Variants in QRICH1 observed in about 807,000 individuals in gnomAD.
QRICH1 encodes transcriptional regulator QRICH1.
Under a neutral mutation model 87.1 loss-of-function variants are expected in QRICH1, and 16 were observed. The observed-to-expected ratio is 0.18, with a 90% CI of 0.12 to 0.28. The LOEUF (loss-of-function observed/expected upper bound fraction) is 0.28. Among genes scored for constraint, QRICH1 ranks in the 10% least tolerant of loss-of-function variants. The pLI, the probability that QRICH1 is intolerant of heterozygous loss-of-function variation, is 1.00. For synonymous variants in QRICH1, 367 were observed against 368.4 expected, an observed-to-expected ratio of 1.00 and a Z score of 0.05; for missense variants, 647 against 951.7, an observed-to-expected ratio of 0.68 and a Z score of 4.21.
chr3:49,078,294 CTGGTT>C (rs1241764040), intron 1 of QRICH1, among the ~76,000 whole-genome samples: 1 of 151,490 alleles, frequency 6.6e-6, no homozygotes, highest in African/African-American at 2.4e-5. Flanking sequence ...AGACTATGTC[CTGGTT>C]CTCTCCGAAT....
intron 1 of QRICH1, among the ~76,000 whole-genome samples, chr3:49,087,818 C>CAAAAAAAAAAAAA (rs58022360): frequency 0.062 from 2,932 of 47,540 alleles, 805 homozygotes; most frequent in East Asian, 0.16. Flanking sequence ...AGGTTCATCT[C>CAAAAAAAAAAAAA]AAAAAAAAAA....
intron 2 of QRICH1, among the ~76,000 whole-genome samples, chr3:49,075,822 G>C (rs1356414844): frequency 1.3e-5 from 2 of 152,002 alleles, no homozygotes; most frequent in East Asian, 3.9e-4. Flanking sequence ...CACACCTGTA[G>C]TCCCAGCTAC....
At chr3:49,078,533 T>C (rs1024326347) in intron 1 of QRICH1, among the ~76,000 whole-genome samples, 3 of 149,904 alleles carry the variant, frequency 2.0e-5, no homozygotes, top group African/African-American at 7.4e-5. Context: ...TAGCTGGGAC[T>C]ACAGGCGCCC....
intron 1 of QRICH1, among the ~76,000 whole-genome samples, chr3:49,086,526 G>T (rs1453626367): frequency 6.6e-6 from 1 of 152,148 alleles, no homozygotes; most frequent in Non-Finnish European, 1.5e-5. Flanking sequence ...GGGATTACAG[G>T]TGTGAGCCAC....
At chr3:49,033,745 T>G (rs959267543) in intron 6 of QRICH1, 1 of 152,142 alleles carries the variant, frequency 6.6e-6, no homozygotes, top group Non-Finnish European at 1.5e-5. Context: ...TCCCAGCACT[T>G]TGGAAGGCCG....
intron 1 of QRICH1, among the ~76,000 whole-genome samples, chr3:49,084,927 G>C (rs1011845159): frequency 6.6e-6 from 1 of 152,076 alleles, no homozygotes; most frequent in Non-Finnish European, 1.5e-5. Context: ...CAGATCACCA[G>C]ATCAGGAGAT....
intron 2 of QRICH1, among the ~76,000 whole-genome samples, chr3:49,071,710 G>A (rs190365003): frequency 6.6e-6 from 1 of 152,186 alleles, no homozygotes; most frequent in East Asian, 1.9e-4. Context: ...CTTTTTTTGA[G>A]ACACCTTTCC....
intron 2 of QRICH1, among the ~76,000 whole-genome samples, chr3:49,063,295 G>GC (rs1297581304): frequency 6.6e-6 from 1 of 152,184 alleles, no homozygotes. Context: ...AGCAGCAGCA[G>GC]CATCCAGGCA....
intron 1 of QRICH1, among the ~76,000 whole-genome samples, chr3:49,078,261 A>G (rs1201898836): frequency 6.6e-6 from 1 of 152,016 alleles, no homozygotes; most frequent in East Asian, 1.9e-4. Flanking sequence ...TCTTCTACCT[A>G]GGCTCTAAGT....
rs766224039 is a variant in QRICH1 at position 49,093,919 on chromosome 3, C to T, written c.-29G>A. 1 of 399,748 alleles carries T rather than the reference C, an allele frequency of 2.5e-6. No individual in the cohort carries two copies. Among genetic ancestry groups the T allele is most frequent in the Non-Finnish European group, 4.4e-6 (1 of 228,394 alleles). The allele number at this position is 399,748 out of a possible 1,614,324, so 24.8% of individuals were successfully genotyped here. A position where few individuals can be genotyped will look rare whatever the true frequency, so the allele number is the denominator to read the frequency against. The stretch of plus-strand genomic sequence containing the variant: ...CCGCACTGGAGCCCTCACCCGGCGA[C>T]GTCACTGCCGCCGCCGCCGCCGCCT... On this transcript the variant is annotated 5_prime_UTR_variant, in exon 1 of 10. Coordinates refer to ENST00000395443, the MANE Select transcript of QRICH1 (RefSeq NM_198880.3).
In QRICH1 at chr3:49,044,372, G is replaced by C. The variant is rs1450534141; in HGVS notation, c.1786+18C>G. 2 of 1,554,838 alleles carry C rather than the reference G, an allele frequency of 1.3e-6. No individual in the cohort carries two copies. Among genetic ancestry groups the C allele is most frequent in the Non-Finnish European group, 8.8e-7 (1 of 1,136,536 alleles). ...AATCCAGGTAGGAAAGATATCCAAG[G>C]ACAAGGGAGACTCTTACCAAGTGGA... On this transcript the variant is annotated intron_variant, in intron 6 of 9. Coordinates refer to ENST00000395443, the MANE Select transcript of QRICH1 (RefSeq NM_198880.3).
At chr3:49,038,467 C>T (rs2093289279) in intron 6 of QRICH1, among the ~76,000 whole-genome samples, 1 of 151,844 alleles carries the variant, frequency 6.6e-6, no homozygotes, top group Non-Finnish European at 1.5e-5. Flanking sequence ...GGCTGGAGTG[C>T]AATGGTGTGA....
intron 9 of QRICH1, among the ~76,000 whole-genome samples, 164 bp from the exon 10 acceptor site, chr3:49,030,808 T>C (rs942507756): frequency 3.9e-5 from 6 of 152,118 alleles, no homozygotes; most frequent in Non-Finnish European, 8.8e-5. Flanking sequence ...TGGTCCTCCT[T>C]TGGGACTACT....
chr3:49,088,779 C>T (rs535432399), intron 1 of QRICH1, among the ~76,000 whole-genome samples: 2 of 152,040 alleles, frequency 1.3e-5, no homozygotes, highest in African/African-American at 4.8e-5. Context: ...GTCCATGCTA[C>T]CACATCCAGC....
intron 1 of QRICH1, among the ~76,000 whole-genome samples, chr3:49,085,304 C>A (rs2042147719): frequency 6.7e-6 from 1 of 150,272 alleles, no homozygotes; most frequent in African/African-American, 2.4e-5. Flanking sequence ...TTTTGGGAGG[C>A]CGAGGCAGGC....
At chr3:49,046,379 A>G in intron 5 of QRICH1, 46 bp downstream of exon 5, 1 of 1,559,994 alleles carries the variant, frequency 6.4e-7, no homozygotes, top group Non-Finnish European at 8.7e-7. Context: ...CAAACATCCA[A>G]TAGGAACACA....
rs1304384627 is a variant in QRICH1 at position 49,030,438 on chromosome 3, A to G, written c.*14T>C. ...TTTCCTGGCTGGTTTCTCTTGTGCC[A>G]TGGCCAAGGCATCTCAGTGCATAGT... On this transcript the variant is annotated 3_prime_UTR_variant, in exon 10 of 10. Coordinates refer to ENST00000395443, the MANE Select transcript of QRICH1 (RefSeq NM_198880.3). 6.2e-6 allele frequency: 10 copies of G among 1,610,690 alleles called. No individual in the cohort carries two copies. The highest frequency in any genetic ancestry group is 1.3e-5 in the African/African-American group (1 of 74,718).
chr3:49,056,723 C>T lies in QRICH1; in HGVS notation c.1338+139G>A, dbSNP rs759237543. On this transcript the variant is annotated intron_variant, in intron 3 of 9. Coordinates refer to ENST00000395443, the MANE Select transcript of QRICH1 (RefSeq NM_198880.3). ...CATAGCCTCACGTGATGTTTCTCCC[C>T]CTCTTCTCCCAAATACTAAATACTG... 7.9e-6 allele frequency: 11 copies of T among 1,399,192 alleles called. 1 individual carries two copies. The highest frequency in any genetic ancestry group is 4.1e-4 in the Middle Eastern group (2 of 4,878). 86.7% of individuals were successfully genotyped at this position (1,399,192 alleles called of 1,614,324 possible). A position where few individuals can be genotyped will look rare whatever the true frequency, so the allele number is the denominator to read the frequency against.
At chr3:49,083,323 A>T (rs1413294062) in intron 1 of QRICH1, 1 of 151,624 alleles carries the variant, frequency 6.6e-6, no homozygotes, top group Non-Finnish European at 1.5e-5. Context: ...TCTGGGCTAT[A>T]GTGCTCTATG....
Sources: allele counts gnomAD v4.1 joint callset (sites outside exome capture counted in the v4.1 genomes callset), GRCh38; gene constraint gnomAD v4.1.1; transcripts MANE v1.5; gene names NCBI Gene and HGNC (gene_info 2026-07-23, HGNC 2026-07-21).